Variants in DPP6 observed in about 807,000 individuals in gnomAD.
DPP6 encodes A-type potassium channel modulatory protein DPP6.
DPP6 carries 69 observed loss-of-function variants against 122.6 expected under a neutral mutation model. The observed-to-expected ratio is 0.56, with a 90% CI of 0.46 to 0.69. The LOEUF is 0.69. Among genes scored for constraint, DPP6 ranks in the 30% least tolerant of loss-of-function variants. DPP6 has a pLI of 0.00. For synonymous variants in DPP6, 418 were observed against 433.1 expected (o/e 0.97, Z 0.43); for missense variants, 928 against 1,116.9 (o/e 0.83, Z 2.41).
rs1486311207 is a variant in DPP6, at chr7:154,853,724, G to C, written c.1667-56G>C. ...AGAAAAGCCTGTTTTCTTGTTCTCG[G>C]CTAAACTAATGGCTTCGTTTTTGTT... On this transcript the variant is annotated intron_variant, in intron 16 of 25. Transcript: ENST00000377770. 3.2e-6 allele frequency: 5 copies of C among 1,562,302 alleles called. No homozygotes were observed. The East Asian group carries it at 1.2e-4, about 37-fold the overall frequency.
intron 2 of DPP6, among the ~76,000 whole-genome samples, chr7:154,453,769 G>A (rs1029390210): frequency 3.2e-4 from 49 of 152,026 alleles, no homozygotes; most frequent in African/African-American, 1.1e-3. Context: ...TATATTCTTT[G>A]CATTTATGGC....
At chr7:154,709,358 TTTGTTG>T (rs143254002) in intron 7 of DPP6, among the ~76,000 whole-genome samples, 4 of 149,210 alleles carry the variant, frequency 2.7e-5, no homozygotes, top group Non-Finnish European at 5.9e-5. Flanking sequence ...TTTTTAATGT[TTTGTTG>T]TTGTTGTTGT....
chr7:153,902,327 T>A (rs569653487), intron 1 of DPP6, among the ~76,000 whole-genome samples: 1 of 152,216 alleles, frequency 6.6e-6, no homozygotes, highest in Non-Finnish European at 1.5e-5. Flanking sequence ...GAAAAGCCTC[T>A]CATATCTTCA....
chr7:153,942,655 G>C (rs550162294), intron 1 of DPP6, among the ~76,000 whole-genome samples: 1 of 152,312 alleles, frequency 6.6e-6, no homozygotes, highest in Admixed American at 6.5e-5. Context: ...TGTACATCTA[G>C]GCCTGTCTGT....
At chr7:154,381,410 C>G (rs894514486) in intron 1 of DPP6, among the ~76,000 whole-genome samples, 2 of 152,172 alleles carry the variant, frequency 1.3e-5, no homozygotes, top group African/African-American at 4.8e-5. Context: ...TCATATACAC[C>G]TACACATGTA....
chr7:153,780,024 AG>A, the DPP6 span, among the ~76,000 whole-genome samples: 2 of 151,730 alleles, frequency 1.3e-5, no homozygotes, highest in African/African-American at 4.8e-5. Flanking sequence ...TATTTCAAAG[AG>A]TTAAAAAACA....
At chr7:154,237,175 T>C (rs559444512) in intron 1 of DPP6, among the ~76,000 whole-genome samples, 4 of 152,328 alleles carry the variant, frequency 2.6e-5, no homozygotes, top group East Asian at 1.9e-4. Flanking sequence ...GGGCAGAGTT[T>C]AGGGGCAGTG....
intron 1 of DPP6, among the ~76,000 whole-genome samples, chr7:154,437,209 GT>G (rs1314247364): frequency 7.9e-5 from 12 of 152,210 alleles, no homozygotes; most frequent in African/African-American, 2.7e-4. Context: ...GATGCTATTT[GT>G]TTTTCCATTA....
In DPP6 at chr7:154,853,805, G is replaced by T; in HGVS notation, c.1692G>T (p.Val564=). ...CEGPGVPMVT[V]HNTTDKKKMF... ...GTCCTGGTGTTCCTATGGTGACGGT[G>T]CACAACACAACAGATAAGAAAAGTA... The change falls in exon 17 of 26, where the codon GTG becomes GTT. Residue 564 remains valine, a synonymous_variant. Transcript: ENST00000377770. 6.2e-7 allele frequency: 1 copy of T among 1,613,838 alleles called. No homozygotes were observed. Among genetic ancestry groups the T allele is most frequent in the African/African-American group, 1.3e-5 (1 of 75,042 alleles).
the DPP6 span, among the ~76,000 whole-genome samples, chr7:153,757,724 G>A: frequency 9.9e-5 from 15 of 152,168 alleles, no homozygotes; most frequent in Non-Finnish European, 1.8e-4. Context: ...TTGGGAGGCC[G>A]AGGTAGGTGG....
intron 1 of DPP6, among the ~76,000 whole-genome samples, chr7:154,163,197 C>T (rs539136341): frequency 2.4e-4 from 37 of 151,606 alleles, no homozygotes; most frequent in African/African-American, 7.7e-4. Context: ...GTCTGACTAG[C>T]GTTGAGTGGA....
At chr7:153,755,971 T>C in the DPP6 span, among the ~76,000 whole-genome samples, 72 of 152,230 alleles carry the variant, frequency 4.7e-4, no homozygotes, top group Non-Finnish European at 8.8e-4. Context: ...TAACAGCAGG[T>C]CCTTTTCCTG....
intron 1 of DPP6, among the ~76,000 whole-genome samples, chr7:154,060,715 AG>A (rs1481599207): frequency 8.6e-5 from 3 of 35,052 alleles, no homozygotes; most frequent in African/African-American, 2.6e-4. Context: ...CCCCCATCGC[AG>A]GGGGGGAGGC....
intron 5 of DPP6, among the ~76,000 whole-genome samples, chr7:154,570,137 C>G (rs1172390826): frequency 4.0e-5 from 6 of 151,716 alleles, no homozygotes; most frequent in African/African-American, 1.2e-4. Flanking sequence ...GGCAGTGGCT[C>G]AAGTAGAAGT....
At chr7:154,700,738 C>A (rs1840472778) in intron 7 of DPP6, among the ~76,000 whole-genome samples, 2 of 152,052 alleles carry the variant, frequency 1.3e-5, no homozygotes, top group Admixed American at 1.3e-4. Flanking sequence ...ATCACACACA[C>A]AGACCTCATC....
chr7:153,881,767 C>T, the DPP6 span, among the ~76,000 whole-genome samples: 1 of 152,154 alleles, frequency 6.6e-6, no homozygotes, highest in African/African-American at 2.4e-5. Flanking sequence ...CAGGCCATCC[C>T]TCTGCAGGCA....
intron 1 of DPP6, chr7:154,092,653 T>A (rs1804941548): frequency 6.6e-6 from 1 of 152,234 alleles, no homozygotes; most frequent in African/African-American, 2.4e-5. Flanking sequence ...CAGTGTGTCC[T>A]GCTGGCGATG....
intron 1 of DPP6, among the ~76,000 whole-genome samples, chr7:153,941,846 C>T (rs1187502702): frequency 6.6e-6 from 1 of 152,102 alleles, no homozygotes; most frequent in Non-Finnish European, 1.5e-5. Context: ...CTCTTGCACT[C>T]CTCTCTCCCT....
Position 154,599,798 on chromosome 7 carries a change from G to A in DPP6, c.627+32882G>A, listed in dbSNP as rs189023777. Among the ~76,000 whole-genome samples, 498 of 151,746 alleles carry A rather than the reference G, an allele frequency of 3.3e-3. 2 individuals carry two copies. The highest frequency in any genetic ancestry group is 4.8e-3 in the Non-Finnish European group (327 of 67,968). On this transcript the variant is annotated intron_variant, in intron 5 of 25. Transcript: ENST00000377770. ...TGATTTTCTGTTCTTGCGATAGTTT[G>A]CTCAGAATGATGGTTTCCAGCTTCA...
Sources: allele counts gnomAD v4.1 joint callset (sites outside exome capture counted in the v4.1 genomes callset), GRCh38; gene constraint gnomAD v4.1.1; transcripts MANE v1.5; gene names NCBI Gene and HGNC (gene_info 2026-07-23, HGNC 2026-07-21).